ERC2: variants seen among roughly 807,000 people sequenced by gnomAD.
The protein encoded by ERC2 is ERC protein 2.
Under a neutral mutation model 114.8 loss-of-function variants are expected in ERC2, and 42 were observed. The observed-to-expected ratio is 0.37, with a 90% CI of 0.29 to 0.47. ERC2 has a LOEUF of 0.47. ERC2 is among the 20% of genes least tolerant of loss of function. ERC2 has a pLI of 0.99. For synonymous variants in ERC2, 454 were observed against 425.5 expected (o/e 1.07, Z -0.82); for missense variants, 939 against 1,150.7 (o/e 0.82, Z 2.66).
rs3055903 is a variant in ERC2 at position 56,313,001 on chromosome 3, CATATATAT to C, written c.658-16574_658-16567del. ...TTAATATTTAGTGAATATGTATATT[CATATATAT>C]ATATATATATATATATATATATATA... On this transcript the variant is annotated intron_variant, in intron 2 of 17. Coordinates refer to ENST00000288221, the MANE Select transcript of ERC2 (RefSeq NM_015576.3). Among the ~76,000 whole-genome samples, 417 of 43,882 alleles carry C rather than the reference CATATATAT, an allele frequency of 9.5e-3. 10 individuals carry two copies. Among genetic ancestry groups the C allele is most frequent in the African/African-American group, 0.028 (352 of 12,610 alleles). 28.8% of individuals were successfully genotyped at this position (43,882 alleles called of 152,430 possible). A position where few individuals can be genotyped will look rare whatever the true frequency, so the allele number is the denominator to read the frequency against.
intron 2 of ERC2, among the ~76,000 whole-genome samples, chr3:56,325,102 C>A (rs558559460): frequency 6.6e-6 from 1 of 151,822 alleles, no homozygotes; most frequent in South Asian, 2.1e-4. Context: ...GTCTATCTTC[C>A]AACTCTAACA....
intron 3 of ERC2, among the ~76,000 whole-genome samples, chr3:56,182,332 C>T (rs955474813): frequency 6.6e-6 from 1 of 152,158 alleles, no homozygotes; most frequent in African/African-American, 2.4e-5. Flanking sequence ...GTAATTAACA[C>T]AGTGCCTGCC....
chr3:55,583,501 C>CTCCCTCTCTCCT (rs2057404302), intron 17 of ERC2, among the ~76,000 whole-genome samples: 1 of 38,084 alleles, frequency 2.6e-5, no homozygotes, highest in Non-Finnish European at 5.3e-5. Flanking sequence ...CTCTCCTTCC[C>CTCCCTCTCTCCT]TCCCTCCCTC....
intron 2 of ERC2, among the ~76,000 whole-genome samples, chr3:56,329,232 G>A (rs1386821337): frequency 6.6e-6 from 1 of 152,176 alleles, no homozygotes; most frequent in African/African-American, 2.4e-5. Flanking sequence ...TTGGAGGAGG[G>A]TTAAGAAATG....
rs112404000 is a variant in ERC2, at chr3:56,055,039, C to G, written c.1641+25778G>C. 8.8e-4 allele frequency among the ~76,000 whole-genome samples: 134 copies of G among 152,330 alleles called. 1 individual carries two copies. Among genetic ancestry groups the G allele is most frequent in the African/African-American group, 3.2e-3 (132 of 41,582 alleles). Reference sequence around the variant, plus strand: ...AGACAATGCGCGTGTTAGGTTGCAGCATTCATTACCTCAGGCGAGACACAG... The same window carrying G: ...AGACAATGCGCGTGTTAGGTTGCAGGATTCATTACCTCAGGCGAGACACAG... On this transcript the variant is annotated intron_variant, in intron 7 of 17. Coordinates refer to ENST00000288221, the MANE Select transcript of ERC2 (RefSeq NM_015576.3).
chr3:55,568,834 C>T (rs1367478796), intron 17 of ERC2, among the ~76,000 whole-genome samples: 1 of 152,140 alleles, frequency 6.6e-6, no homozygotes, highest in Non-Finnish European at 1.5e-5. Flanking sequence ...CCCATGAGAC[C>T]CTACACAGTC....
At chr3:56,316,965 C>T (rs972174551) in intron 2 of ERC2, among the ~76,000 whole-genome samples, 4 of 152,250 alleles carry the variant, frequency 2.6e-5, no homozygotes, top group African/African-American at 9.6e-5. Flanking sequence ...ACTCAACTCA[C>T]TTTCACTGAC....
At position 56,010,356 on chromosome 3, in the gene ERC2, G is replaced by A. The variant is rs1004182499; in HGVS notation, c.1920+93C>T. 9 of 1,413,012 alleles carry A rather than the reference G, an allele frequency of 6.4e-6. No individual in the cohort carries two copies. The Admixed American group carries it at 1.7e-4, about 27-fold the overall frequency. 87.5% of individuals were successfully genotyped at this position (1,413,012 alleles called of 1,614,324 possible). A position where few individuals can be genotyped will look rare whatever the true frequency, so the allele number is the denominator to read the frequency against. On this transcript the variant is annotated intron_variant, in intron 9 of 17. Transcript: ENST00000288221. ...ACTACATTCCCCAAGCCTTCATACA[G>A]TGCCTCCTACTAAGTCTCTAGTCTC...
chr3:55,550,905 A>G (rs991176965), intron 17 of ERC2, among the ~76,000 whole-genome samples: 14 of 151,332 alleles, frequency 9.3e-5, no homozygotes, highest in Non-Finnish European at 1.9e-4. Context: ...AGTCCCAGCT[A>G]CTCGGGAGGC....
At chr3:56,350,002 T>G (rs999792741) in intron 2 of ERC2, among the ~76,000 whole-genome samples, 6 of 151,756 alleles carry the variant, frequency 4.0e-5, no homozygotes, top group Non-Finnish European at 8.8e-5. Flanking sequence ...CCCTGTGACA[T>G]GCAATATGCC....
At chr3:56,355,864 TTC>T (rs35892847) in intron 2 of ERC2, among the ~76,000 whole-genome samples, 34,387 of 152,104 alleles carry the variant, frequency 0.23, 4,344 homozygotes, top group Non-Finnish European at 0.28. Context: ...TCTGAAATTG[TTC>T]TGTCTGCTCC....
At chr3:55,759,485 A>AAAC (rs2067283649) in intron 14 of ERC2, among the ~76,000 whole-genome samples, 4 of 131,776 alleles carry the variant, frequency 3.0e-5, no homozygotes, top group African/African-American at 1.2e-4. Flanking sequence ...AAAAAAAAAA[A>AAAC]AAAAAAAAAA....
chr3:55,578,737 C>A (rs940200690), intron 17 of ERC2, among the ~76,000 whole-genome samples: 1 of 152,152 alleles, frequency 6.6e-6, no homozygotes, highest in Admixed American at 6.5e-5. Context: ...GCTGGGCTCA[C>A]TCATGTTCCT....
intron 12 of ERC2, among the ~76,000 whole-genome samples, chr3:55,979,848 G>A (rs1178007003): frequency 6.6e-6 from 1 of 152,076 alleles, no homozygotes; most frequent in Non-Finnish European, 1.5e-5. Flanking sequence ...AGAGGCTGAG[G>A]AGGGAGCATC....
At chr3:56,250,165 C>T (rs988987310) in intron 3 of ERC2, among the ~76,000 whole-genome samples, 6 of 152,210 alleles carry the variant, frequency 3.9e-5, no homozygotes, top group African/African-American at 1.4e-4. Flanking sequence ...CATCAAATTT[C>T]TTAAATGGAT....
intron 14 of ERC2, among the ~76,000 whole-genome samples, chr3:55,800,081 TA>T (rs1419131377): frequency 1.3e-5 from 2 of 152,140 alleles, no homozygotes; most frequent in African/African-American, 4.8e-5. Context: ...TGTAGTCAGT[TA>T]TAGAGACAGG....
intron 2 of ERC2, among the ~76,000 whole-genome samples, chr3:56,416,353 C>T (rs2061153522): frequency 6.6e-6 from 1 of 152,086 alleles, no homozygotes; most frequent in African/African-American, 2.4e-5. Context: ...TGAAAAACCC[C>T]TCTTCATACT....
chr3:55,588,136 T>C (rs1263763229), intron 17 of ERC2, among the ~76,000 whole-genome samples: 1 of 152,160 alleles, frequency 6.6e-6, no homozygotes, highest in Admixed American at 6.5e-5. Context: ...TTGTGGCTAG[T>C]GCAAACATCA....
At chr3:55,808,841 GA>G in intron 14 of ERC2, among the ~76,000 whole-genome samples, 1 of 148,914 alleles carries the variant, frequency 6.7e-6, no homozygotes, top group Middle Eastern at 3.6e-3. Context: ...AAAAGATCCA[GA>G]GGTAAATGTG....
Sources: gnomAD v4.1 joint callset for allele counts (sites outside exome capture counted in the v4.1 genomes callset) on GRCh38, gnomAD v4.1.1 for gene constraint, MANE v1.5 for transcripts, NCBI Gene and HGNC (gene_info 2026-07-23, HGNC 2026-07-21) for gene names.